GRID1: variants seen among roughly 807,000 people sequenced by gnomAD.
The protein encoded by GRID1 is glutamate receptor ionotropic, delta-1.
In GRID1, 28 loss-of-function variants were observed where a neutral mutation model predicts 98.0. That is an observed-to-expected ratio of 0.29 (90% CI 0.21 to 0.39). The LOEUF is 0.39. GRID1 is among the 10% of genes least tolerant of loss of function. The pLI, the probability that GRID1 is intolerant of heterozygous loss-of-function variation, is 1.00. For missense variants in GRID1, 1,111 were observed against 1,340.5 expected (o/e 0.83, Z 2.67); for synonymous variants, 553 against 538.5 (o/e 1.03, Z -0.37).
chr10:86,248,563 CTTTTTTTTTTT>C (rs200060771), intron 2 of GRID1, among the ~76,000 whole-genome samples: 7 of 121,840 alleles, frequency 5.7e-5, no homozygotes, highest in Admixed American at 8.7e-5. Context: ...CATGACAATT[CTTTTTTTTTTT>C]TTTTTTTTTT....
rs529957680 is a variant in GRID1 at position 86,303,983 on chromosome 10, G to A, written c.235+59958C>T. 3.3e-5 allele frequency among the ~76,000 whole-genome samples: 5 copies of A among 152,252 alleles called. No individual in the cohort carries two copies. The East Asian group carries it at 5.8e-4, about 18-fold the overall frequency. ...CTCAGGTCATTGGTCATTACTTCTC[G>A]TTGCCATGGTTTTTCCTATCTCCAT... On this transcript the variant is annotated intron_variant, in intron 2 of 15. Transcript: ENST00000327946.
chr10:85,656,001 G>A (rs1840891000), intron 12 of GRID1, among the ~76,000 whole-genome samples: 1 of 148,154 alleles, frequency 6.7e-6, no homozygotes, highest in Non-Finnish European at 1.5e-5. Context: ...AAAAAAAAAA[G>A]TCCTGTGAGA....
At chr10:86,086,205 T>G (rs1396155807) in intron 4 of GRID1, among the ~76,000 whole-genome samples, 1 of 152,158 alleles carries the variant, frequency 6.6e-6, no homozygotes, top group Non-Finnish European at 1.5e-5. Flanking sequence ...CACAATTGTC[T>G]GCTCCACTTA....
At chr10:86,030,440 A>G (rs1008247611) in intron 4 of GRID1, among the ~76,000 whole-genome samples, 4 of 152,232 alleles carry the variant, frequency 2.6e-5, no homozygotes, top group Admixed American at 6.5e-5. Context: ...TTAACGTTTC[A>G]GCTACATCTG....
At chr10:86,294,724 G>A (rs1024033240) in intron 2 of GRID1, among the ~76,000 whole-genome samples, 3 of 152,220 alleles carry the variant, frequency 2.0e-5, no homozygotes, top group African/African-American at 7.2e-5. Context: ...AACGAGAGAG[G>A]CAAGCTGGCA....
At chr10:85,755,401 T>C (rs929379251) in intron 8 of GRID1, among the ~76,000 whole-genome samples, 9 of 152,304 alleles carry the variant, frequency 5.9e-5, no homozygotes, top group Admixed American at 5.9e-4. Flanking sequence ...CCTTGGTTCT[T>C]CAGCGCCTGC....
At chr10:85,628,529 G>A (rs1445486259) in intron 13 of GRID1, among the ~76,000 whole-genome samples, 1 of 152,192 alleles carries the variant, frequency 6.6e-6, no homozygotes, top group Admixed American at 6.5e-5. Flanking sequence ...CCTTCAGCTG[G>A]AGATAAAGAG....
At chr10:85,900,213 C>A (rs1452631884) in intron 5 of GRID1, among the ~76,000 whole-genome samples, 2 of 152,206 alleles carry the variant, frequency 1.3e-5, no homozygotes, top group Admixed American at 6.5e-5. Flanking sequence ...TGTGTGAAGG[C>A]AGCAGCCACG....
At chr10:86,188,448 C>T (rs1845755204) in intron 3 of GRID1, among the ~76,000 whole-genome samples, 1 of 152,206 alleles carries the variant, frequency 6.6e-6, no homozygotes, top group African/African-American at 2.4e-5. Context: ...CCATACCTTC[C>T]ATTCTGCCAA....
intron 4 of GRID1, among the ~76,000 whole-genome samples, chr10:85,990,701 G>A (rs186608127): frequency 6.6e-6 from 1 of 152,134 alleles, no homozygotes; most frequent in Non-Finnish European, 1.5e-5. Flanking sequence ...CAAGTGGAGA[G>A]AGGTGGGCAG....
chr10:85,644,691 G>A (rs1374375775), intron 13 of GRID1, among the ~76,000 whole-genome samples: 1 of 152,098 alleles, frequency 6.6e-6, no homozygotes, highest in African/African-American at 2.4e-5. Context: ...GGATACATTG[G>A]AGTGTAATTG....
chr10:86,067,652 G>C (rs1432628437), intron 4 of GRID1, among the ~76,000 whole-genome samples: 3 of 152,150 alleles, frequency 2.0e-5, no homozygotes, highest in African/African-American at 7.2e-5. Context: ...CAGCGGCTGG[G>C]GCAAAGGCCC....
chr10:85,830,923 C>T (rs1459580995), intron 8 of GRID1, among the ~76,000 whole-genome samples: 1 of 151,982 alleles, frequency 6.6e-6, no homozygotes, highest in African/African-American at 2.4e-5. Flanking sequence ...AAAATTAAAA[C>T]AAAATTACTA....
intron 2 of GRID1, among the ~76,000 whole-genome samples, chr10:86,272,386 G>A (rs1313911643): frequency 6.6e-6 from 1 of 152,164 alleles, no homozygotes; most frequent in Non-Finnish European, 1.5e-5. Context: ...AAGGTATTGT[G>A]GCATTTTTAC....
intron 2 of GRID1, among the ~76,000 whole-genome samples, chr10:86,350,186 C>T (rs535024871): frequency 2.6e-5 from 4 of 152,268 alleles, no homozygotes; most frequent in East Asian, 1.9e-4. Context: ...AGAGAAGTGG[C>T]GGCTAAGACA....
chr10:86,160,067 A>C (rs1845300246), intron 3 of GRID1, among the ~76,000 whole-genome samples: 1 of 152,046 alleles, frequency 6.6e-6, no homozygotes, highest in South Asian at 2.1e-4. Flanking sequence ...TATCATCATC[A>C]TCATCGTGTG....
At chr10:85,687,636 CA>C (rs111319426) in intron 12 of GRID1, among the ~76,000 whole-genome samples, 5,268 of 143,416 alleles carry the variant, frequency 0.037, 270 homozygotes, top group African/African-American at 0.12. Context: ...TCTCAAATAC[CA>C]AAAAAAAAGA....
At chr10:85,838,889 T>G (rs982932036) in intron 8 of GRID1, among the ~76,000 whole-genome samples, 4 of 152,086 alleles carry the variant, frequency 2.6e-5, no homozygotes, top group Non-Finnish European at 4.4e-5. Flanking sequence ...TTATGCTGTC[T>G]TCAAGAGACC....
intron 5 of GRID1, among the ~76,000 whole-genome samples, chr10:85,872,510 C>G (rs1843287912): frequency 6.6e-6 from 1 of 152,146 alleles, no homozygotes; most frequent in South Asian, 2.1e-4. Flanking sequence ...CAAGCAGGAC[C>G]CTGGAAATCT....
Sources: allele counts gnomAD v4.1 joint callset (sites outside exome capture counted in the v4.1 genomes callset), GRCh38; gene constraint gnomAD v4.1.1; transcripts MANE v1.5; gene names NCBI Gene and HGNC (gene_info 2026-07-23, HGNC 2026-07-21).